ARMC8: variants seen among roughly 807,000 people sequenced by gnomAD.
ARMC8 encodes the protein armadillo repeat containing 8.
In ARMC8, 20 loss-of-function variants were observed where a neutral mutation model predicts 99.3. That is an observed-to-expected ratio of 0.20 (90% CI 0.14 to 0.29). The LOEUF (loss-of-function observed/expected upper bound fraction) is 0.29, where lower values mean the gene tolerates loss of function less well. Among genes scored for constraint, ARMC8 ranks in the 10% least tolerant of loss-of-function variants. The pLI, the probability that ARMC8 is intolerant of heterozygous loss-of-function variation, is 1.00. For missense variants in ARMC8, 569 were observed against 809.5 expected (o/e 0.70, Z 3.60); for synonymous variants, 263 against 278.3 (o/e 0.95, Z 0.55).
chr3:138,264,412 CTTTTTTTTTTTTTT>C (rs11298899), intron 14 of ARMC8, among the ~76,000 whole-genome samples, 200 bp downstream of exon 14: 4 of 48,646 alleles, frequency 8.2e-5, no homozygotes, highest in African/African-American at 3.1e-4. Context: ...GATTTTCTTT[CTTTTTTTTTTTTTT>C]TTTTTTTTTT....
intron 21 of ARMC8, among the ~76,000 whole-genome samples, chr3:138,292,319 C>G (rs762924369): frequency 3.3e-5 from 5 of 152,236 alleles, no homozygotes; most frequent in Non-Finnish European, 1.5e-5. Flanking sequence ...GGATGACAGG[C>G]GTGAGCCACC....
intron 2 of ARMC8, among the ~76,000 whole-genome samples, chr3:138,211,083 T>G (rs2044669086): frequency 6.6e-6 from 1 of 152,202 alleles, no homozygotes; most frequent in Non-Finnish European, 1.5e-5. Flanking sequence ...ACTAGTTTAA[T>G]TATTACCAGG....
At chr3:138,222,590 C>T (rs1266068241) in intron 3 of ARMC8, among the ~76,000 whole-genome samples, 1 of 152,130 alleles carries the variant, frequency 6.6e-6, no homozygotes, top group African/African-American at 2.4e-5. Flanking sequence ...TTGCTATTAG[C>T]TTTTCATTCA....
intron 10 of ARMC8, among the ~76,000 whole-genome samples, chr3:138,239,755 C>T (rs2046517024): frequency 6.6e-6 from 1 of 152,136 alleles, no homozygotes; most frequent in Non-Finnish European, 1.5e-5. Flanking sequence ...TTCATTGTCA[C>T]AGCCTTTCAT....
intron 12 of ARMC8, among the ~76,000 whole-genome samples, chr3:138,257,956 G>A (rs1405858646): frequency 6.6e-6 from 1 of 152,122 alleles, no homozygotes; most frequent in Non-Finnish European, 1.5e-5. Flanking sequence ...AATGACTGCG[G>A]CTTGTGATTT....
At chr3:138,188,340 A>C (rs1036302284) in intron 1 of ARMC8, 12 of 1,330,168 alleles carry the variant, frequency 9.0e-6, no homozygotes, top group Middle Eastern at 2.4e-4. Flanking sequence ...CCATTGTTGA[A>C]AGAAGGGAAC....
intron 18 of ARMC8, among the ~76,000 whole-genome samples, chr3:138,283,441 C>A (rs1258267846): frequency 6.6e-6 from 1 of 152,218 alleles, no homozygotes; most frequent in Non-Finnish European, 1.5e-5. Flanking sequence ...CAGTATCCAA[C>A]AAGTGCTCTT....
At chr3:138,254,867 G>C (rs2047304375) in intron 12 of ARMC8, among the ~76,000 whole-genome samples, 1 of 152,152 alleles carries the variant, frequency 6.6e-6, no homozygotes. Context: ...ATAAAAAGAT[G>C]TAAATGACCT....
At chr3:138,207,195 A>G (rs2044420354) in intron 1 of ARMC8, among the ~76,000 whole-genome samples, 1 of 152,186 alleles carries the variant, frequency 6.6e-6, no homozygotes, top group African/African-American at 2.4e-5. Context: ...TTCCAAAGCC[A>G]ATTCCTGAAA....
At position 138,239,546 on chromosome 3, in the gene ARMC8, CT is replaced by C. The variant is rs772070866; in HGVS notation, c.837+21del. 1 of 1,527,256 alleles carries C rather than the reference CT, an allele frequency of 6.5e-7. No homozygotes were observed. Among genetic ancestry groups the C allele is most frequent in the Non-Finnish European group, 8.9e-7 (1 of 1,119,896 alleles). The allele number at this position is 1,527,256 out of a possible 1,614,324, so 94.6% of individuals were successfully genotyped here. ...TATTAAAGGTAAGCTAATTAATTAT[CT>C]TTAAAATGTGAAAATTATCCAGTTA... is the stretch of plus-strand genomic sequence containing the variant. On this transcript the variant is annotated intron_variant, in intron 10 of 21. Coordinates refer to ENST00000469044, the MANE Select transcript of ARMC8 (RefSeq NM_001363941.2).
chr3:138,220,700 T>A (rs1196262896), intron 2 of ARMC8, among the ~76,000 whole-genome samples: 1 of 151,348 alleles, frequency 6.6e-6, no homozygotes, highest in Non-Finnish European at 1.5e-5. Flanking sequence ...TTTCTTTTTT[T>A]TTTTTTTGAG....
chr3:138,249,479 A>G (rs186335060), intron 12 of ARMC8, among the ~76,000 whole-genome samples: 1 of 152,104 alleles, frequency 6.6e-6, no homozygotes, highest in Non-Finnish European at 1.5e-5. Context: ...ATTAGAAAAT[A>G]TAGAGTTTTT....
At chr3:138,197,003 G>C (rs769954641) in intron 1 of ARMC8, among the ~76,000 whole-genome samples, 2 of 152,186 alleles carry the variant, frequency 1.3e-5, no homozygotes, top group Non-Finnish European at 2.9e-5. Context: ...CCCAGAGTAT[G>C]CCAGTAATCT....
At chr3:138,267,795 T>C (rs2048411398) in intron 15 of ARMC8, among the ~76,000 whole-genome samples, 1 of 152,240 alleles carries the variant, frequency 6.6e-6, no homozygotes, top group Non-Finnish European at 1.5e-5. Flanking sequence ...GAAAACCTTA[T>C]ACAGTTAGTT....
intron 12 of ARMC8, among the ~76,000 whole-genome samples, chr3:138,253,510 T>C (rs2108222465): frequency 6.6e-6 from 1 of 152,234 alleles, no homozygotes; most frequent in South Asian, 2.1e-4. Context: ...AGATCCAAAT[T>C]ATGGCATAGA....
intron 12 of ARMC8, chr3:138,262,659 T>A (rs1266378353): frequency 3.5e-6 from 5 of 1,429,148 alleles, no homozygotes; most frequent in Non-Finnish European, 4.6e-6. Flanking sequence ...TTAATTGGTC[T>A]GCTGTATGGC....
intron 19 of ARMC8, among the ~76,000 whole-genome samples, chr3:138,286,945 T>G (rs544764943): frequency 6.6e-6 from 1 of 152,214 alleles, no homozygotes; most frequent in Non-Finnish European, 1.5e-5. Context: ...TGTCCCCTCA[T>G]TCACTCAATT....
At chr3:138,198,071 T>G (rs1032213343) in intron 1 of ARMC8, among the ~76,000 whole-genome samples, 3 of 152,286 alleles carry the variant, frequency 2.0e-5, no homozygotes, top group Admixed American at 2.0e-4. Context: ...GCCGTACACC[T>G]GTAGTCCCAG....
chr3:138,236,956 C>T (rs548051678), intron 7 of ARMC8, among the ~76,000 whole-genome samples: 2 of 152,082 alleles, frequency 1.3e-5, no homozygotes, highest in African/African-American at 4.8e-5. Flanking sequence ...TAAAAGTATT[C>T]TATTTTTTTA....
Sources: allele counts gnomAD v4.1 joint callset (sites outside exome capture counted in the v4.1 genomes callset), GRCh38; gene constraint gnomAD v4.1.1; transcripts MANE v1.5; gene names NCBI Gene and HGNC (gene_info 2026-07-23, HGNC 2026-07-21).